AMPH: variants seen among roughly 807,000 people sequenced by gnomAD.
AMPH encodes the protein amphiphysin (Stiff-Mann syndrome with breast cancer 128kD autoantigen).
In AMPH, 49 loss-of-function variants were observed where a neutral mutation model predicts 99.1. The ratio of observed to expected loss-of-function variants is 0.49; its 90% CI spans 0.39 to 0.63. The LOEUF is 0.63. Ranked by LOEUF, AMPH falls within the 20% of genes least tolerant of loss-of-function variation. The pLI is 0.00. For synonymous variants in AMPH, 314 were observed against 317.3 expected (o/e 0.99, Z 0.11); for missense variants, 759 against 863.4 (o/e 0.88, Z 1.52).
intron 2 of AMPH, among the ~76,000 whole-genome samples, chr7:38,525,893 A>G (rs2129036753): frequency 6.6e-6 from 1 of 152,336 alleles, no homozygotes; most frequent in East Asian, 1.9e-4. Context: ...TACTATAAAT[A>G]AAGCTGCTAA....
intron 5 of AMPH, among the ~76,000 whole-genome samples, chr7:38,489,416 A>G (rs1788638349): frequency 6.6e-6 from 1 of 150,786 alleles, no homozygotes; most frequent in Admixed American, 6.6e-5. Context: ...AGGGGGGGGG[A>G]AGCTTCATTT....
At chr7:38,515,527 T>G (rs995159350) in intron 2 of AMPH, among the ~76,000 whole-genome samples, 1 of 152,238 alleles carries the variant, frequency 6.6e-6, no homozygotes, top group Non-Finnish European at 1.5e-5. Flanking sequence ...CTGTACAGAC[T>G]GTGGAACTGT....
intron 1 of AMPH, among the ~76,000 whole-genome samples, chr7:38,587,674 T>C (rs1792705135): frequency 6.6e-6 from 1 of 152,266 alleles, no homozygotes; most frequent in Non-Finnish European, 1.5e-5. Flanking sequence ...CTTCAAATAG[T>C]ACAAGAAGGT....
At chr7:38,537,081 C>G (rs1482840105) in intron 1 of AMPH, among the ~76,000 whole-genome samples, 1 of 151,934 alleles carries the variant, frequency 6.6e-6, no homozygotes, top group Non-Finnish European at 1.5e-5. Flanking sequence ...GTTTAACATA[C>G]TATAAAGTTT....
chr7:38,552,389 T>C (rs1189124119), intron 1 of AMPH, among the ~76,000 whole-genome samples: 2 of 152,246 alleles, frequency 1.3e-5, no homozygotes, highest in Non-Finnish European at 2.9e-5. Flanking sequence ...TTGCCAGATA[T>C]GGGCAAATCC....
In AMPH at chr7:38,491,117, T is replaced by C. The variant is rs947510100; in HGVS notation, c.329A>G (p.His110Arg). ...EKCDVLWEDF[H>R]QKLVDGSLLT... Reference sequence around the variant, plus strand: ...CAAGGACCCATCCACGAGTTTTTGATGGAAGTCTTCCCACAGCACATCACA... The same window carrying C: ...CAAGGACCCATCCACGAGTTTTTGACGGAAGTCTTCCCACAGCACATCACA... The change falls in exon 5 of 21, where the codon CAT becomes CGT. Residue 110 changes from histidine (H) to arginine (R), a missense_variant. By Grantham distance (29) the His-to-Arg change is conservative. Around this residue, in one of 2 missense-constraint regions of AMPH, gnomAD observed 205 missense variants for 287.9 expected, o/e 0.71. Transcript: ENST00000356264. 1 of 1,613,022 alleles carries C rather than the reference T, an allele frequency of 6.2e-7. No individual in the cohort carries two copies. The highest frequency in any genetic ancestry group is 8.5e-7 in the Non-Finnish European group (1 of 1,179,176).
intron 1 of AMPH, among the ~76,000 whole-genome samples, chr7:38,547,984 G>A (rs925198140): frequency 6.6e-6 from 1 of 151,732 alleles, no homozygotes; most frequent in Admixed American, 6.6e-5. Flanking sequence ...ATGACTTTGA[G>A]TTCTGTCTGT....
intron 2 of AMPH, among the ~76,000 whole-genome samples, chr7:38,521,834 G>A (rs1343430646): frequency 6.6e-6 from 1 of 152,080 alleles, no homozygotes; most frequent in Admixed American, 6.5e-5. Flanking sequence ...TAGTAATTTA[G>A]CTGTGTATCT....
chr7:38,452,192 T>G (rs1310721679), intron 11 of AMPH, among the ~76,000 whole-genome samples: 1 of 152,214 alleles, frequency 6.6e-6, no homozygotes, highest in Non-Finnish European at 1.5e-5. Context: ...ACAAATGCTT[T>G]TCTTCCCCCA....
At chr7:38,626,290 A>G (rs1794238881) in intron 1 of AMPH, among the ~76,000 whole-genome samples, 1 of 152,202 alleles carries the variant, frequency 6.6e-6, no homozygotes, top group Non-Finnish European at 1.5e-5. Context: ...CCCCACTTCA[A>G]ACTATACTAC....
intron 11 of AMPH, among the ~76,000 whole-genome samples, chr7:38,438,874 A>C (rs1056151648): frequency 2.0e-5 from 3 of 152,260 alleles, no homozygotes; most frequent in African/African-American, 7.2e-5. Flanking sequence ...ATGGAAATGG[A>C]AGCTAATGTT....
chr7:38,494,610 GA>G, intron 3 of AMPH, 83 bp from the exon 4 acceptor site: 1 of 1,201,564 alleles, frequency 8.3e-7, no homozygotes, highest in East Asian at 2.4e-5. Context: ...TTAAGTGAGA[GA>G]AAAATATTGT....
At chr7:38,487,205 A>G (rs988722030) in intron 5 of AMPH, among the ~76,000 whole-genome samples, 1 of 152,162 alleles carries the variant, frequency 6.6e-6, no homozygotes, top group African/African-American at 2.4e-5. Flanking sequence ...AAATAAGAAT[A>G]GTTGCAGGAT....
intron 1 of AMPH, among the ~76,000 whole-genome samples, chr7:38,562,197 GA>G (rs991320318): frequency 6.7e-6 from 1 of 149,012 alleles, no homozygotes; most frequent in African/African-American, 2.5e-5. Flanking sequence ...GACAGAGAAA[GA>G]AAAAAAAATG....
intron 2 of AMPH, among the ~76,000 whole-genome samples, chr7:38,504,006 GCAGGGAAGTGATCAC>G (rs1789240369): frequency 6.6e-6 from 1 of 152,196 alleles, no homozygotes; most frequent in Admixed American, 6.5e-5. Context: ...GGTTATAATA[GCAGGGAAGTGATCAC>G]CATTATCTAA....
chr7:38,445,002 T>C (rs941940777), intron 11 of AMPH, among the ~76,000 whole-genome samples: 7 of 127,674 alleles, frequency 5.5e-5, no homozygotes, highest in South Asian at 5.5e-4. Context: ...TATATATATA[T>C]ATATATATAC....
At chr7:38,558,630 A>T (rs1218132031) in intron 1 of AMPH, among the ~76,000 whole-genome samples, 3 of 152,216 alleles carry the variant, frequency 2.0e-5, no homozygotes, top group African/African-American at 7.2e-5. Flanking sequence ...AAAGACATAA[A>T]GCATTTCCTT....
Position 38,423,960 on chromosome 7 carries a change from C to T in AMPH, c.1216-1483G>A, listed in dbSNP as rs554551711. Among the ~76,000 whole-genome samples the T allele has an allele frequency of 1.6e-3, 249 of 152,300 alleles. 1 individual carries two copies. Among genetic ancestry groups the T allele is most frequent in the African/African-American group, 5.7e-3 (238 of 41,562 alleles). ...CAGGCACATCAGGAAGGTAGAAGCA[C>T]TGAGTACTTACATAATAAATATTGA... On this transcript the variant is annotated intron_variant, in intron 15 of 20. Transcript: ENST00000356264.
chr7:38,421,239 G>A (rs1041875829), intron 16 of AMPH, among the ~76,000 whole-genome samples: 3 of 152,186 alleles, frequency 2.0e-5, no homozygotes, highest in Admixed American at 6.5e-5. Context: ...TTTTGCATCC[G>A]TGTAGTAGGT....
Sources: allele counts gnomAD v4.1 joint callset (sites outside exome capture counted in the v4.1 genomes callset), GRCh38; gene constraint gnomAD v4.1.1; regional missense constraint gnomAD v4.1.1; transcripts MANE v1.5; gene names NCBI Gene and HGNC (gene_info 2026-07-23, HGNC 2026-07-21).